The following RAP1A variants were observed in gnomAD, a reference collection of about 807,000 sequenced individuals.
RAP1A encodes the protein RAP1A, member of RAS oncogene family.
RAP1A carries 6 observed loss-of-function variants against 26.4 expected under a neutral mutation model. The ratio of observed to expected loss-of-function variants is 0.23; its 90% confidence interval spans 0.12 to 0.45. The LOEUF (loss-of-function observed/expected upper bound fraction) is 0.45. Ranked by LOEUF, RAP1A falls within the 20% of genes least tolerant of loss-of-function variation. The pLI is 0.99. For synonymous variants in RAP1A, 73 were observed against 79.4 expected, an observed-to-expected ratio of 0.92 and a Z score of 0.43; for missense variants, 121 against 217.2, an observed-to-expected ratio of 0.56 and a Z score of 2.78.
chr1:111,578,275 G>T (rs1292834882), intron 1 of RAP1A, among the ~76,000 whole-genome samples: 1 of 152,022 alleles, frequency 6.6e-6, no homozygotes, highest in Non-Finnish European at 1.5e-5. Flanking sequence ...ACCTGGAAGA[G>T]GTTTGAAGTT....
At chr1:111,619,253 G>A (rs78270454), upstream of RAP1A, among the ~76,000 whole-genome samples, 12 of 152,288 alleles carry the variant, frequency 7.9e-5, no homozygotes, top group Non-Finnish European at 1.5e-4. Context: ...GTGTGTATGC[G>A]CTCAAAGGTC....
At chr1:111,586,818 A>G (rs1376793266) in intron 1 of RAP1A, among the ~76,000 whole-genome samples, 1 of 152,134 alleles carries the variant, frequency 6.6e-6, no homozygotes, top group Non-Finnish European at 1.5e-5. Flanking sequence ...CTTCTTTGAG[A>G]TTGCTTCTTA....
intron 1 of RAP1A, chr1:111,649,353 T>C (rs1571527175): frequency 2.6e-6 from 1 of 387,014 alleles, no homozygotes. Flanking sequence ...TGCCTCCCAT[T>C]CCTGCCAGCC....
At chr1:111,599,366 C>T (rs974547895) in intron 1 of RAP1A, among the ~76,000 whole-genome samples, 2 of 152,062 alleles carry the variant, frequency 1.3e-5, no homozygotes, top group African/African-American at 4.8e-5. Flanking sequence ...CCACCGCATC[C>T]AGCTAATTTT....
intron 1 of RAP1A, among the ~76,000 whole-genome samples, chr1:111,583,443 C>A (rs1658299351): frequency 6.7e-6 from 1 of 149,852 alleles, no homozygotes; most frequent in Non-Finnish European, 1.5e-5. Flanking sequence ...TCCACTCCAG[C>A]CTGGGCGACA....
chr1:111,618,677 C>T (rs1659066351), upstream of RAP1A, among the ~76,000 whole-genome samples: 1 of 152,136 alleles, frequency 6.6e-6, no homozygotes, highest in Non-Finnish European at 1.5e-5. Context: ...TTTCCCCATC[C>T]CCAAATCTGC....
At chr1:111,634,525 A>G (rs1659667623) in intron 1 of RAP1A, among the ~76,000 whole-genome samples, 1 of 149,922 alleles carries the variant, frequency 6.7e-6, no homozygotes, top group South Asian at 2.1e-4. Flanking sequence ...ATTTTATTAT[A>G]TGTTATATAT....
intron 1 of RAP1A, among the ~76,000 whole-genome samples, chr1:111,565,998 G>A (rs1657909991): frequency 6.6e-6 from 1 of 152,018 alleles, no homozygotes; most frequent in South Asian, 2.1e-4. Flanking sequence ...CTTCGAGGAG[G>A]AACAAATAAC....
intron 1 of RAP1A, among the ~76,000 whole-genome samples, chr1:111,588,850 C>G (rs565231087): frequency 3.9e-5 from 6 of 152,206 alleles, no homozygotes; most frequent in African/African-American, 1.2e-4. Flanking sequence ...ATGTTTTTGG[C>G]TGAAGGTGTT....
intron 1 of RAP1A, among the ~76,000 whole-genome samples, chr1:111,646,665 C>T (rs886875126): frequency 2.6e-5 from 4 of 152,120 alleles, no homozygotes; most frequent in African/African-American, 7.2e-5. Context: ...CTCAGCCTCC[C>T]GAGTAGCTGG....
chr1:111,704,210 C>A, intron 5 of RAP1A, 133 bp from the exon 6 acceptor site: 4 of 662,976 alleles, frequency 6.0e-6, no homozygotes, highest in African/African-American at 2.0e-5. Flanking sequence ...ATATACTTTT[C>A]GTTAGTATTT....
intron 1 of RAP1A, among the ~76,000 whole-genome samples, chr1:111,682,269 A>G (rs564218569): frequency 6.6e-6 from 1 of 152,234 alleles, no homozygotes; most frequent in African/African-American, 2.4e-5. Context: ...CAATGAAGCT[A>G]TGAAGAAACT....
chr1:111,684,953 G>T (rs1419965921), intron 1 of RAP1A, among the ~76,000 whole-genome samples: 1 of 152,138 alleles, frequency 6.6e-6, no homozygotes, highest in Non-Finnish European at 1.5e-5. Flanking sequence ...CAATGGAACA[G>T]AACAGAGGCC....
At chr1:111,680,889 A>G (rs1431294657) in intron 1 of RAP1A, 5 of 152,266 alleles carry the variant, frequency 3.3e-5, no homozygotes, top group Admixed American at 1.3e-4. Context: ...ACCTCATCCA[A>G]AGGTCCTCAG....
chr1:111,676,228 C>T (rs571601091), intron 1 of RAP1A, among the ~76,000 whole-genome samples: 36 of 152,100 alleles, frequency 2.4e-4, no homozygotes, highest in African/African-American at 8.0e-4. Flanking sequence ...TGGTGGTGGG[C>T]GCCTGTAATC....
chr1:111,628,362 G>C (rs1173919969), intron 1 of RAP1A, among the ~76,000 whole-genome samples: 6 of 152,158 alleles, frequency 3.9e-5, no homozygotes, highest in African/African-American at 7.2e-5. Context: ...TGCCAAGATA[G>C]AAAGAAAGTT....
chr1:111,657,592 C>G (rs1314047753), intron 1 of RAP1A, among the ~76,000 whole-genome samples: 2 of 152,146 alleles, frequency 1.3e-5, no homozygotes, highest in African/African-American at 2.4e-5. Flanking sequence ...TGGTTTTGCT[C>G]TCTCACATTT....
At chr1:111,699,007 G>A (rs1176662787) in intron 4 of RAP1A, among the ~76,000 whole-genome samples, 1 of 151,504 alleles carries the variant, frequency 6.6e-6, no homozygotes, top group Non-Finnish European at 1.5e-5. Flanking sequence ...CAGATTGTAA[G>A]AAGGAAGTTC....
chr1:111,690,984 A>G (rs988010818), intron 1 of RAP1A, among the ~76,000 whole-genome samples: 7 of 152,250 alleles, frequency 4.6e-5, no homozygotes, highest in Admixed American at 4.6e-4. Context: ...TTTAAACAGT[A>G]CATAAGTTGT....
Sources: gnomAD v4.1 joint callset for allele counts (sites outside exome capture counted in the v4.1 genomes callset) on GRCh38, gnomAD v4.1.1 for gene constraint, MANE v1.5 for transcripts, NCBI Gene and HGNC (gene_info 2026-07-23, HGNC 2026-07-21) for gene names.